The following LMNTD1 variants were observed in gnomAD, a reference collection of about 807,000 sequenced individuals.
LMNTD1 encodes lamin tail domain-containing protein 1.
Under a neutral mutation model 50.9 loss-of-function variants are expected in LMNTD1, and 35 were observed. That is an observed-to-expected ratio of 0.69 (90% CI 0.53 to 0.91). The LOEUF is 0.91. Among genes scored for constraint, LMNTD1 ranks in the 40% least tolerant of loss-of-function variants. LMNTD1 has a pLI of 0.00. For synonymous variants in LMNTD1, 153 were observed against 161.9 expected (o/e 0.94, Z 0.42); for missense variants, 470 against 475.5 (o/e 0.99, Z 0.11).
chr12:25,534,393 G>A (rs1376913869), intron 4 of LMNTD1, among the ~76,000 whole-genome samples: 1 of 152,188 alleles, frequency 6.6e-6, no homozygotes, highest in African/African-American at 2.4e-5. Flanking sequence ...ATACTTGAGA[G>A]ACAGAAGAGA....
chr12:25,604,066 A>C (rs1208704313), intron 1 of LMNTD1, among the ~76,000 whole-genome samples: 1 of 152,090 alleles, frequency 6.6e-6, no homozygotes. Context: ...TTATGAATCA[A>C]CCCTATCACA....
In LMNTD1 at chr12:25,526,790, C is replaced by T; in HGVS notation, c.657G>A (p.Met219Ile). The part of the protein sequence containing the change: ...SLYRFLPNIV[M>I]QANSTVTVWA... ...TCACTGTTACTGTGGAATTTGCCTG[C>T]ATTACGATGTTTGGAAGGAATCGGT... The change falls in exon 5 of 10, where the codon ATG (methionine) becomes ATA (isoleucine). Residue 219 changes from methionine to isoleucine, a missense_variant. Met to Ile is a conservative substitution (Grantham distance 10). Transcript: ENST00000458174. The T allele has an allele frequency of 1.2e-6, 2 of 1,609,454 alleles. No individual in the cohort carries two copies. The highest frequency in any genetic ancestry group is 1.7e-6 in the Non-Finnish European group (2 of 1,177,622).
intron 9 of LMNTD1, among the ~76,000 whole-genome samples, chr12:25,477,545 T>A (rs372513475): frequency 4.6e-5 from 7 of 151,894 alleles, no homozygotes; most frequent in African/African-American, 1.5e-4. Context: ...AGGGATGAGA[T>A]TAAAGTCAGG....
intron 1 of LMNTD1, among the ~76,000 whole-genome samples, chr12:25,635,010 G>GC (rs1362220725): frequency 2.0e-5 from 3 of 152,100 alleles, no homozygotes; most frequent in Admixed American, 1.3e-4. Flanking sequence ...GGAGGCCGAG[G>GC]CCGTGGCTCA....
Position 25,553,091 on chromosome 12 carries a change from G to T in LMNTD1, c.-53C>A, listed in dbSNP as rs1295961184. On this transcript the variant is annotated 5_prime_UTR_variant, in exon 1 of 10. Coordinates refer to ENST00000458174, the MANE Select transcript of LMNTD1 (RefSeq NM_001145728.2). ...CACCTGTTAATCCAACTACCTTCAA[G>T]CATCAGCTAGGTTTAATAATTTCTT... is the stretch of plus-strand genomic sequence containing the variant. 4 of 1,613,624 alleles carry T rather than the reference G, an allele frequency of 2.5e-6. No homozygotes were observed. Among genetic ancestry groups the T allele is most frequent in the Non-Finnish European group, 3.4e-6 (4 of 1,179,804 alleles).
chr12:25,496,063 C>G (rs1173671295), intron 9 of LMNTD1, among the ~76,000 whole-genome samples: 1 of 152,140 alleles, frequency 6.6e-6, no homozygotes, highest in Non-Finnish European at 1.5e-5. Flanking sequence ...AAGGAAAACC[C>G]TTTGAGCTGA....
rs544358083 is a variant in LMNTD1, at chr12:25,646,688, C to A, written c.58+1806G>T. 2.0e-5 allele frequency among the ~76,000 whole-genome samples: 3 copies of A among 152,244 alleles called. No individual in the cohort carries two copies. The South Asian group carries it at 6.2e-4, about 32-fold the overall frequency. ...CAACCATAGTTCAGAGATAGGTCAC[C>A]ACCGACTGAACAGGTGGGCAAAACA... is the stretch of plus-strand genomic sequence containing the variant. On this transcript the variant is annotated intron_variant, in intron 1 of 7. Coordinates refer to the LMNTD1 transcript ENST00000445693.
chr12:25,569,507 GT>G (rs1944697900), intron 1 of LMNTD1, among the ~76,000 whole-genome samples: 1 of 152,156 alleles, frequency 6.6e-6, no homozygotes, highest in African/African-American at 2.4e-5. Context: ...AGATTATTGT[GT>G]TTTGCAATGT....
intron 9 of LMNTD1, among the ~76,000 whole-genome samples, chr12:25,489,600 C>T (rs28563953): frequency 0.25 from 36,375 of 147,056 alleles, 4,733 homozygotes; most frequent in Middle Eastern, 0.34. Flanking sequence ...GCGTCGCTCA[C>T]GCTGGGAGCT....
chr12:25,549,448 C>A lies in LMNTD1; in HGVS notation c.188G>T (p.Ser63Ile). The change falls in exon 3 of 10, where the codon AGT becomes ATT. Residue 63 changes from serine to isoleucine, a missense_variant. Transcript: ENST00000458174. ...TTLPLSSSNS[S>I]GMPLGYYLSS... The stretch of plus-strand genomic sequence containing the variant: ...CAGATAGTAACCAAGAGGCATTCCA[C>A]TGGAATTTGAAGATGACAATGGCAG... 6.2e-7 allele frequency: 1 copy of A among 1,613,294 alleles called. No homozygotes were observed. Among genetic ancestry groups the A allele is most frequent in the Non-Finnish European group, 8.5e-7 (1 of 1,179,408 alleles).
chr12:25,616,842 T>C (rs1946362682), intron 1 of LMNTD1, among the ~76,000 whole-genome samples: 1 of 152,110 alleles, frequency 6.6e-6, no homozygotes, highest in Non-Finnish European at 1.5e-5. Flanking sequence ...GGTGGTGAGG[T>C]TGACTTGTAG....
At chr12:25,561,881 C>T (rs1321972137) in intron 1 of LMNTD1, among the ~76,000 whole-genome samples, 2 of 152,272 alleles carry the variant, frequency 1.3e-5, no homozygotes, top group Non-Finnish European at 2.9e-5. Context: ...GATCCCATTA[C>T]CATTATGTAA....
chr12:25,543,099 C>T (rs1016581673), intron 4 of LMNTD1, among the ~76,000 whole-genome samples: 11 of 151,834 alleles, frequency 7.2e-5, no homozygotes, highest in African/African-American at 2.4e-4. Context: ...TTAGAATAGC[C>T]TAATATCTAT....
chr12:25,529,598 C>T (rs944048422), intron 4 of LMNTD1, among the ~76,000 whole-genome samples: 9 of 152,138 alleles, frequency 5.9e-5, no homozygotes, highest in African/African-American at 1.2e-4. Context: ...CATCTATTTA[C>T]GTCTTTTCTC....
chr12:25,522,519 A>G (rs2136058014), intron 6 of LMNTD1, among the ~76,000 whole-genome samples: 1 of 152,334 alleles, frequency 6.6e-6, no homozygotes, highest in Middle Eastern at 3.4e-3. Flanking sequence ...CTATCACATT[A>G]CTTATCATGT....
chr12:25,641,969 G>A (rs995689226), intron 1 of LMNTD1, among the ~76,000 whole-genome samples: 5 of 151,866 alleles, frequency 3.3e-5, no homozygotes, highest in Non-Finnish European at 7.4e-5. Flanking sequence ...CCAAATTTGC[G>A]AATTTCAGTC....
intron 1 of LMNTD1, among the ~76,000 whole-genome samples, chr12:25,602,046 T>C (rs1362915162): frequency 1.3e-5 from 2 of 151,956 alleles, no homozygotes; most frequent in African/African-American, 4.8e-5. Context: ...ATGTTTTAGG[T>C]AATAATGTCA....
intron 9 of LMNTD1, among the ~76,000 whole-genome samples, chr12:25,487,714 A>G (rs1465074138): frequency 1.7e-5 from 2 of 118,256 alleles, no homozygotes; most frequent in African/African-American, 6.6e-5. Context: ...TAGTTGACGC[A>G]GTTTCTTCCT....
intron 9 of LMNTD1, among the ~76,000 whole-genome samples, chr12:25,488,837 C>T (rs1938765277): frequency 1.3e-5 from 2 of 152,066 alleles, no homozygotes; most frequent in African/African-American, 4.8e-5. Flanking sequence ...TGTTTGTTTT[C>T]CTTCTAACAG....
Sources: gnomAD v4.1 joint callset for allele counts (sites outside exome capture counted in the v4.1 genomes callset) on GRCh38, gnomAD v4.1.1 for gene constraint, MANE v1.5 for transcripts, NCBI Gene and HGNC (gene_info 2026-07-23, HGNC 2026-07-21) for gene names.